ADAMTSL1: variants seen among roughly 807,000 people sequenced by gnomAD.
ADAMTSL1 encodes the protein ADAMTS like 1.
ADAMTSL1 carries 126 observed loss-of-function variants against 201.8 expected under a neutral mutation model. The observed-to-expected ratio is 0.62, with a 90% CI of 0.54 to 0.72. The LOEUF is 0.72. Among genes scored for constraint, ADAMTSL1 ranks in the 30% least tolerant of loss-of-function variants. The pLI is 0.00. For synonymous variants in ADAMTSL1, 1,121 were observed against 903.4 expected, an observed-to-expected ratio of 1.24 and a Z score of -4.32; for missense variants, 2,679 against 2,277.8, an observed-to-expected ratio of 1.18 and a Z score of -3.59.
At chr9:18,321,243 A>C (rs1036148868) in intron 2 of ADAMTSL1, among the ~76,000 whole-genome samples, 1 of 152,190 alleles carries the variant, frequency 6.6e-6, no homozygotes, top group Non-Finnish European at 1.5e-5. Flanking sequence ...AAAAGAGTTA[A>C]TAAGAAGACA....
chr9:18,570,530 C>G (rs1822230640), intron 3 of ADAMTSL1, among the ~76,000 whole-genome samples: 1 of 152,112 alleles, frequency 6.6e-6, no homozygotes, highest in Non-Finnish European at 1.5e-5. Context: ...ATGTGTATTT[C>G]AAGGGAAATT....
At position 18,857,120 on chromosome 9, in the gene ADAMTSL1, G is replaced by A. The variant is rs114613728; in HGVS notation, c.4249+27143G>A. Among the ~76,000 whole-genome samples the A allele has an allele frequency of 2.2e-3, 335 of 152,148 alleles. 4 individuals carry two copies. The highest frequency in any genetic ancestry group is 6.8e-3 in the African/African-American group (283 of 41,498). On this transcript the variant is annotated intron_variant, in intron 23 of 28. Coordinates refer to ENST00000380548, the MANE Select transcript of ADAMTSL1 (RefSeq NM_001040272.6). ...GTTTCAAGACGTGGTTTGAGACTTG[G>A]TTTCTTTCTTCTTTAATATACTTTT...
chr9:18,862,548 A>G (rs571873858), intron 23 of ADAMTSL1, among the ~76,000 whole-genome samples: 10 of 152,276 alleles, frequency 6.6e-5, no homozygotes, highest in African/African-American at 1.9e-4. Context: ...ATAATGTCCT[A>G]TTTCAGACCA....
intron 2 of ADAMTSL1, among the ~76,000 whole-genome samples, chr9:18,283,805 G>T (rs1056718231): frequency 6.7e-6 from 1 of 149,802 alleles, no homozygotes; most frequent in Non-Finnish European, 1.5e-5. Context: ...CCAGCTACTC[G>T]GGAGGCTGAG....
chr9:18,429,593 ATTAACAT>A (rs1819391712), intron 2 of ADAMTSL1, among the ~76,000 whole-genome samples: 2 of 152,154 alleles, frequency 1.3e-5, no homozygotes, highest in Non-Finnish European at 2.9e-5. Context: ...TGGAAAAAAG[ATTAACAT>A]TAACTTAAAA....
chr9:18,645,636 T>G (rs1356289735), intron 7 of ADAMTSL1, among the ~76,000 whole-genome samples: 3 of 151,774 alleles, frequency 2.0e-5, no homozygotes. Flanking sequence ...CACCATTTAT[T>G]AAATAGGGAA....
chr9:18,253,887 T>G (rs541943887), intron 2 of ADAMTSL1, among the ~76,000 whole-genome samples: 1 of 152,316 alleles, frequency 6.6e-6, no homozygotes, highest in East Asian at 1.9e-4. Context: ...GCAGTGATAA[T>G]GGCATGCTTT....
chr9:18,671,899 T>C (rs1829838837), intron 9 of ADAMTSL1, among the ~76,000 whole-genome samples: 1 of 151,870 alleles, frequency 6.6e-6, no homozygotes, highest in Non-Finnish European at 1.5e-5. Context: ...TATCCGGGCG[T>C]GGCGGCGGGC....
intron 4 of ADAMTSL1, among the ~76,000 whole-genome samples, chr9:18,609,561 T>TCC (rs1587700982): frequency 6.6e-6 from 1 of 152,144 alleles, no homozygotes; most frequent in East Asian, 1.9e-4. Flanking sequence ...GGGGCTGAAA[T>TCC]AGATCTGAGC....
intron 2 of ADAMTSL1, among the ~76,000 whole-genome samples, chr9:18,195,103 C>T (rs1452513019): frequency 1.3e-5 from 2 of 152,038 alleles, no homozygotes; most frequent in African/African-American, 4.8e-5. Flanking sequence ...ATACAGTAAG[C>T]ACTCAATAAA....
At chr9:17,962,813 C>T (rs766289159) in intron 1 of ADAMTSL1, among the ~76,000 whole-genome samples, 10 of 152,236 alleles carry the variant, frequency 6.6e-5, no homozygotes, top group African/African-American at 9.6e-5. Context: ...TTGAGGACAA[C>T]TTTGCACAGC....
chr9:18,394,129 T>C (rs530136326), intron 2 of ADAMTSL1, among the ~76,000 whole-genome samples: 2 of 152,198 alleles, frequency 1.3e-5, no homozygotes, highest in East Asian at 1.9e-4. Flanking sequence ...CATAAAGAGA[T>C]TGTTGCTTTA....
At chr9:18,211,956 G>C (rs1200668674) in intron 2 of ADAMTSL1, among the ~76,000 whole-genome samples, 1 of 152,168 alleles carries the variant, frequency 6.6e-6, no homozygotes, top group Admixed American at 6.5e-5. Flanking sequence ...GTTTCTGCAG[G>C]AAGTGCATTT....
chr9:18,351,911 G>C (rs1006455204), intron 2 of ADAMTSL1, among the ~76,000 whole-genome samples: 5 of 152,090 alleles, frequency 3.3e-5, no homozygotes, highest in African/African-American at 2.4e-5. Context: ...TGGTAGTTAG[G>C]GGGTATAGAC....
chr9:18,587,602 G>T (rs1823593322), intron 4 of ADAMTSL1, among the ~76,000 whole-genome samples: 1 of 152,048 alleles, frequency 6.6e-6, no homozygotes, highest in Non-Finnish European at 1.5e-5. Flanking sequence ...ATCTGTGTTT[G>T]TATACTCAGT....
At chr9:18,572,164 C>T (rs916632357) in intron 3 of ADAMTSL1, among the ~76,000 whole-genome samples, 4 of 151,104 alleles carry the variant, frequency 2.6e-5, no homozygotes, top group African/African-American at 9.7e-5. Context: ...CACTACACTC[C>T]ACCCGGGGAG....
intron 3 of ADAMTSL1, among the ~76,000 whole-genome samples, chr9:18,556,883 T>A (rs1821140288): frequency 6.6e-6 from 1 of 152,030 alleles, no homozygotes; most frequent in Admixed American, 6.6e-5. Flanking sequence ...AACCTTCAGT[T>A]TGGAAAGAAT....
intron 7 of ADAMTSL1, among the ~76,000 whole-genome samples, chr9:18,654,518 G>C (rs567983238): frequency 6.6e-6 from 1 of 152,318 alleles, no homozygotes; most frequent in East Asian, 1.9e-4. Context: ...GCTGAAAAAT[G>C]ATGAGCAGGA....
intron 2 of ADAMTSL1, among the ~76,000 whole-genome samples, chr9:18,233,430 A>C (rs550697487): frequency 1.3e-5 from 2 of 152,326 alleles, no homozygotes; most frequent in African/African-American, 4.8e-5. Context: ...GAATCATGCT[A>C]TGAGTCTACA....
Sources: allele counts gnomAD v4.1 joint callset (sites outside exome capture counted in the v4.1 genomes callset), GRCh38; gene constraint gnomAD v4.1.1; transcripts MANE v1.5; gene names NCBI Gene and HGNC (gene_info 2026-07-23, HGNC 2026-07-21).